The following ESRRG variants were observed in gnomAD, a reference collection of about 807,000 sequenced individuals.
The protein encoded by ESRRG is estrogen related receptor gamma.
In ESRRG, 13 loss-of-function variants were observed where a neutral mutation model predicts 44.0. The observed-to-expected ratio is 0.30, with a 90% CI of 0.19 to 0.47. ESRRG has a LOEUF of 0.47. Ranked by LOEUF, ESRRG falls within the 20% of genes least tolerant of loss-of-function variation. The pLI, the probability that ESRRG is intolerant of heterozygous loss-of-function variation, is 1.00. For missense variants in ESRRG, 395 were observed against 580.6 expected, an observed-to-expected ratio of 0.68 and a Z score of 3.29; for synonymous variants, 215 against 214.6, an observed-to-expected ratio of 1.00 and a Z score of -0.02.
chr1:216,589,903 C>CAAAAAAAA (rs58458686), intron 3 of ESRRG, among the ~76,000 whole-genome samples: 1,225 of 31,820 alleles, frequency 0.038, 225 homozygotes, highest in African/African-American at 0.083. Flanking sequence ...AACTCTGTCT[C>CAAAAAAAA]AAAAAAAAAA....
chr1:216,591,902 G>C (rs1037206060), intron 3 of ESRRG, among the ~76,000 whole-genome samples: 1 of 152,062 alleles, frequency 6.6e-6, no homozygotes, highest in Non-Finnish European at 1.5e-5. Context: ...TCAATTTATC[G>C]CACCACAAAA....
chr1:216,836,772 C>G (rs1226111833), intron 2 of ESRRG, among the ~76,000 whole-genome samples: 1 of 152,104 alleles, frequency 6.6e-6, no homozygotes, highest in Non-Finnish European at 1.5e-5. Flanking sequence ...AATCCTTGTG[C>G]AGCCGAATCA....
intron 2 of ESRRG, among the ~76,000 whole-genome samples, chr1:216,840,265 T>C (rs1296591512): frequency 6.6e-6 from 1 of 152,206 alleles, no homozygotes; most frequent in African/African-American, 2.4e-5. Flanking sequence ...GTTACAGTGA[T>C]GGCTTATTTC....
intron 1 of ESRRG, among the ~76,000 whole-genome samples, chr1:217,129,700 C>T (rs1179816543): frequency 6.6e-6 from 1 of 151,920 alleles, no homozygotes; most frequent in Non-Finnish European, 1.5e-5. Context: ...AGAAAGAAGC[C>T]AGATACAAAA....
intron 5 of ESRRG, among the ~76,000 whole-genome samples, chr1:216,561,077 A>G (rs1434655120): frequency 2.0e-5 from 3 of 152,152 alleles, no homozygotes; most frequent in Non-Finnish European, 4.4e-5. Context: ...ATGTTTCATA[A>G]CAACACACTT....
At chr1:216,871,763 A>G (rs2096262849) in intron 2 of ESRRG, among the ~76,000 whole-genome samples, 1 of 151,978 alleles carries the variant, frequency 6.6e-6, no homozygotes, top group Non-Finnish European at 1.5e-5. Context: ...CGTAGTTGCC[A>G]TATATATTAG....
intron 5 of ESRRG, among the ~76,000 whole-genome samples, chr1:216,553,944 A>G (rs560117099): frequency 7.9e-5 from 12 of 152,268 alleles, no homozygotes; most frequent in African/African-American, 2.6e-4. Context: ...AAGTATGTAT[A>G]AACAATGGGG....
chr1:216,988,015 T>A (rs981117416), intron 1 of ESRRG, among the ~76,000 whole-genome samples: 3 of 152,200 alleles, frequency 2.0e-5, no homozygotes, highest in African/African-American at 4.8e-5. Flanking sequence ...CTGCCTTTCC[T>A]TCTCTGTCTT....
rs1161373963 is a variant in ESRRG at position 216,723,314 on chromosome 1, C to A, written c.-15G>T. The stretch of plus-strand genomic sequence containing the variant: ...ACCGAATCCATGTGCGACCGGCAAC[C>A]ATTATTTGTGCACCCCAGCTATAAA... On this transcript the variant is annotated 5_prime_UTR_variant, in exon 1 of 7. An upstream start codon of the reference 5' UTR is lost. Coordinates refer to ENST00000408911, the MANE Select transcript of ESRRG (RefSeq NM_001438.4). The A allele has an allele frequency of 6.2e-7, 1 of 1,613,850 alleles. No individual in the cohort carries two copies. Among genetic ancestry groups the A allele is most frequent in the Non-Finnish European group, 8.5e-7 (1 of 1,179,796 alleles).
chr1:216,510,117 A>G (rs1205433905), intron 6 of ESRRG, among the ~76,000 whole-genome samples: 1 of 152,200 alleles, frequency 6.6e-6, no homozygotes, highest in Non-Finnish European at 1.5e-5. Context: ...ACTAGGCTAC[A>G]TATTAAAAAC....
At chr1:216,583,530 G>A (rs1344462508) in intron 3 of ESRRG, among the ~76,000 whole-genome samples, 3 of 152,202 alleles carry the variant, frequency 2.0e-5, no homozygotes, top group Non-Finnish European at 4.4e-5. Flanking sequence ...GCAGCATGAG[G>A]CATCCCCTCC....
rs1399914719 is a variant in ESRRG, at chr1:216,504,530, C to T, written c.*2409G>A. On this transcript the variant is annotated 3_prime_UTR_variant, in exon 7 of 7. Transcript: ENST00000408911. ...AGCTAATGATAGATACACAGTATTC[C>T]TAGCACTGGGTTGATGTTTCATCAA... is the stretch of plus-strand genomic sequence containing the variant. The T allele has an allele frequency of 6.6e-6, 1 of 152,514 alleles. No homozygotes were observed. The highest frequency in any genetic ancestry group is 1.5e-5 in the Non-Finnish European group (1 of 67,988). 9.4% of individuals were successfully genotyped at this position (152,514 alleles called of 1,614,324 possible).
At chr1:216,825,015 CAG>C (rs1214148086) in intron 2 of ESRRG, among the ~76,000 whole-genome samples, 1 of 152,172 alleles carries the variant, frequency 6.6e-6, no homozygotes, top group African/African-American at 2.4e-5. Context: ...GTCACAGTGA[CAG>C]AGGCCTGTCC....
chr1:217,034,208 A>G (rs1246418447), intron 1 of ESRRG, among the ~76,000 whole-genome samples: 5 of 152,206 alleles, frequency 3.3e-5, no homozygotes. Flanking sequence ...AATAATGTCT[A>G]TGAGATTTTG....
chr1:217,031,384 G>T (rs1426476928), intron 1 of ESRRG, among the ~76,000 whole-genome samples: 4 of 152,114 alleles, frequency 2.6e-5, no homozygotes, highest in African/African-American at 9.7e-5. Context: ...GAGAATAAGA[G>T]GAGAATCGCA....
At chr1:217,065,963 T>C (rs1192152919) in intron 1 of ESRRG, among the ~76,000 whole-genome samples, 1 of 152,176 alleles carries the variant, frequency 6.6e-6, no homozygotes, top group Non-Finnish European at 1.5e-5. Flanking sequence ...GAGCTCACCA[T>C]ATTCCTACAT....
chr1:216,918,191 TTACTCCTGGGAA>T (rs2061415960), intron 2 of ESRRG, among the ~76,000 whole-genome samples: 1 of 152,202 alleles, frequency 6.6e-6, no homozygotes, highest in Non-Finnish European at 1.5e-5. Flanking sequence ...TTAATTTTGT[TTACTCCTGGGAA>T]AATTCCTCTT....
chr1:216,692,344 G>A (rs1450941577), intron 1 of ESRRG, among the ~76,000 whole-genome samples: 2 of 111,656 alleles, frequency 1.8e-5, no homozygotes, highest in African/African-American at 3.3e-5. Flanking sequence ...GTGTGTGTGT[G>A]TGTCTAGATT....
At chr1:216,793,958 GA>G (rs1363135819) in intron 2 of ESRRG, among the ~76,000 whole-genome samples, 1 of 116,166 alleles carries the variant, frequency 8.6e-6, no homozygotes, top group Non-Finnish European at 1.7e-5. Context: ...CTTAACTAAG[GA>G]TTTTTTTTTT....
Sources: gnomAD v4.1 joint callset for allele counts (sites outside exome capture counted in the v4.1 genomes callset) on GRCh38, gnomAD v4.1.1 for gene constraint, MANE v1.5 for transcripts, NCBI Gene and HGNC (gene_info 2026-07-23, HGNC 2026-07-21) for gene names.